The following GRAMD1B variants were observed in gnomAD, a reference collection of about 807,000 sequenced individuals.
GRAMD1B encodes GRAM domain containing 1B.
In GRAMD1B, 37 loss-of-function variants were observed where a neutral mutation model predicts 99.7. The observed-to-expected ratio is 0.37, with a 90% confidence interval of 0.29 to 0.49. The LOEUF (loss-of-function observed/expected upper bound fraction) is 0.49, where lower values mean the gene tolerates loss of function less well. GRAMD1B is among the 20% of genes least tolerant of loss of function. The pLI, the probability that GRAMD1B is intolerant of heterozygous loss-of-function variation, is 0.98. For missense variants in GRAMD1B, 888 were observed against 1,009.2 expected (o/e 0.88, Z 1.63); for synonymous variants, 427 against 387.6 (o/e 1.10, Z -1.19).
In GRAMD1B at chr11:123,547,326, T is replaced by C. The variant is rs543720648; in HGVS notation, c.453-30041T>C. Among the ~76,000 whole-genome samples, 3 of 152,354 alleles carry C rather than the reference T, an allele frequency of 2.0e-5. No homozygotes were observed. The South Asian group carries it at 6.2e-4, about 32-fold the overall frequency. Reference sequence around the variant, plus strand: ...GTACAAAAATCACATGGCCCTGTGCTCACTCCTCCTCTGGGGCTTTGCTGG... The same window carrying C: ...GTACAAAAATCACATGGCCCTGTGCCCACTCCTCCTCTGGGGCTTTGCTGG... On this transcript the variant is annotated intron_variant, in intron 2 of 19. Coordinates refer to ENST00000635736, the MANE Select transcript of GRAMD1B (RefSeq NM_001387025.1).
chr11:123,548,323 T>C (rs373874067), intron 2 of GRAMD1B, among the ~76,000 whole-genome samples: 32,301 of 99,258 alleles, frequency 0.33, 6,278 homozygotes, highest in African/African-American at 0.59. Flanking sequence ...TATATATATA[T>C]ATACACACAC....
intron 1 of GRAMD1B, among the ~76,000 whole-genome samples, chr11:123,412,492 G>A (rs1055600027): frequency 6.6e-6 from 1 of 152,160 alleles, no homozygotes; most frequent in African/African-American, 2.4e-5. Context: ...ACAAGCCAGT[G>A]AATACAGAGT....
chr11:123,473,488 T>C (rs999218630), intron 1 of GRAMD1B, among the ~76,000 whole-genome samples: 1 of 152,070 alleles, frequency 6.6e-6, no homozygotes, highest in African/African-American at 2.4e-5. Context: ...CCCAGGCTGG[T>C]CTCAAAACTC....
chr11:123,390,935 T>A (rs1256265933), intron 1 of GRAMD1B, among the ~76,000 whole-genome samples: 1 of 152,216 alleles, frequency 6.6e-6, no homozygotes, highest in Non-Finnish European at 1.5e-5. Flanking sequence ...GCCCTTTGAC[T>A]GAATGCAGCT....
intron 2 of GRAMD1B, among the ~76,000 whole-genome samples, chr11:123,575,991 C>CT (rs1024620453): frequency 5.3e-5 from 8 of 151,518 alleles, no homozygotes; most frequent in South Asian, 2.1e-4. Context: ...CTCTGGTCTC[C>CT]TTTTTTTTTC....
intron 1 of GRAMD1B, among the ~76,000 whole-genome samples, chr11:123,411,166 G>A (rs1404186144): frequency 2.0e-5 from 3 of 151,768 alleles, no homozygotes; most frequent in African/African-American, 4.8e-5. Context: ...CACCACACCC[G>A]GCTAATTTTT....
chr11:123,379,784 T>G (rs1946811708), intron 1 of GRAMD1B, among the ~76,000 whole-genome samples: 1 of 152,254 alleles, frequency 6.6e-6, no homozygotes, highest in South Asian at 2.1e-4. Flanking sequence ...TGCACTATTT[T>G]ACATTCAGTG....
At chr11:123,557,977 CTTTTTTTT>C (rs532091098) in intron 2 of GRAMD1B, among the ~76,000 whole-genome samples, 6 of 99,922 alleles carry the variant, frequency 6.0e-5, no homozygotes, top group Non-Finnish European at 7.9e-5. Context: ...TTCAGTGCAA[CTTTTTTTT>C]TTTTTTTTTT....
At chr11:123,616,464 AAGTT>A (rs1233916219) in intron 17 of GRAMD1B, among the ~76,000 whole-genome samples, 5 of 152,360 alleles carry the variant, frequency 3.3e-5, no homozygotes, top group Admixed American at 2.0e-4. Flanking sequence ...CTGTAACCTC[AAGTT>A]AGTTCTGTGT....
In GRAMD1B at chr11:123,444,163, G is replaced by C. The variant is rs115924506; in HGVS notation, c.374+12997G>C. 8.4e-3 allele frequency among the ~76,000 whole-genome samples: 1,277 copies of C among 152,280 alleles called. 24 individuals carry two copies. Among genetic ancestry groups the C allele is most frequent in the African/African-American group, 0.03 (1,231 of 41,564 alleles). The stretch of plus-strand genomic sequence containing the variant: ...GTTATGTTAATAGAGATTCTTTACA[G>C]ATGCAAATTTTCCCCACAAAAGATG... On this transcript the variant is annotated intron_variant, in intron 1 of 19. Transcript: ENST00000635736.
intron 1 of GRAMD1B, among the ~76,000 whole-genome samples, chr11:123,378,224 A>G (rs1015894778): frequency 3.3e-5 from 5 of 152,204 alleles, no homozygotes; most frequent in South Asian, 2.1e-4. Flanking sequence ...GAAGACCTGC[A>G]TTGGCACCCA....
At chr11:123,496,591 C>T (rs1369243503) in intron 2 of GRAMD1B, among the ~76,000 whole-genome samples, 1 of 150,806 alleles carries the variant, frequency 6.6e-6, no homozygotes, top group Non-Finnish European at 1.5e-5. Flanking sequence ...TTAGATTTAC[C>T]CTTTTGAGGC....
chr11:123,531,576 G>C (rs573590203), intron 2 of GRAMD1B, among the ~76,000 whole-genome samples: 1 of 152,232 alleles, frequency 6.6e-6, no homozygotes, highest in Non-Finnish European at 1.5e-5. Flanking sequence ...TTGTCATCAA[G>C]TTTATTATTG....
intron 9 of GRAMD1B, among the ~76,000 whole-genome samples, chr11:123,604,330 C>A (rs559448079): frequency 4.6e-5 from 7 of 152,164 alleles, no homozygotes; most frequent in Non-Finnish European, 1.0e-4. Flanking sequence ...GGGAAAGAAG[C>A]AGCTGAAGAG....
intron 1 of GRAMD1B, among the ~76,000 whole-genome samples, chr11:123,368,621 A>G (rs1308880945): frequency 1.5e-5 from 2 of 133,282 alleles, no homozygotes; most frequent in African/African-American, 2.8e-5. Context: ...CGGAACTTGC[A>G]GTGAGCTGAG....
At chr11:123,621,661 G>A (rs1482073182) in intron 19 of GRAMD1B, among the ~76,000 whole-genome samples, 1 of 152,192 alleles carries the variant, frequency 6.6e-6, no homozygotes, top group Non-Finnish European at 1.5e-5. Context: ...CCTGGGCGGG[G>A]AGAACAATGT....
chr11:123,559,586 T>A (rs1946487107), intron 2 of GRAMD1B: 6 of 716,966 alleles, frequency 8.4e-6, no homozygotes, highest in Non-Finnish European at 1.0e-5. Flanking sequence ...GGGGGCTGTC[T>A]GAGTACTAAT....
rs903013938 is a variant in GRAMD1B, at chr11:123,591,747, A to G, written c.685-2335A>G. On this transcript the variant is annotated intron_variant, in intron 4 of 19. Transcript: ENST00000635736. This position sits in a 1 kb window ranked among gnomAD's most constrained non-coding sequence, Gnocchi z 4.7. ...GGGGTCCCTGGCTTCGAGAGGCTGC[A>G]TGGTGGCAGGCCCAGCATGCCCAAC... Among the ~76,000 whole-genome samples, 1 of 152,304 alleles carries G rather than the reference A, an allele frequency of 6.6e-6. No individual in the cohort carries two copies.
At position 123,614,853 on chromosome 11, in the gene GRAMD1B, T is replaced by C. The variant is rs1275061; in HGVS notation, c.2318+18T>C. On this transcript the variant is annotated intron_variant, in intron 17 of 19. Coordinates refer to ENST00000635736, the MANE Select transcript of GRAMD1B (RefSeq NM_001387025.1). ...AGCTGTGTGTAAGGGATTCTAGGTTTTCCTATCCTGCCCTCACCACCTTCC... is the reference window on the plus strand; with the variant it reads ...AGCTGTGTGTAAGGGATTCTAGGTTCTCCTATCCTGCCCTCACCACCTTCC... 663,212 of 1,509,364 alleles carry C rather than the reference T, an allele frequency of 0.44. 149,044 individuals are homozygous for C. Among genetic ancestry groups the C allele is most frequent in the South Asian group, 0.56 (48,873 of 87,554 alleles). The allele number at this position is 1,509,364 out of a possible 1,614,324, so 93.5% of individuals were successfully genotyped here. A position where few individuals can be genotyped will look rare whatever the true frequency, so the allele number is the denominator to read the frequency against.
Sources: allele counts gnomAD v4.1 joint callset (sites outside exome capture counted in the v4.1 genomes callset), GRCh38; gene constraint gnomAD v4.1.1; non-coding constraint Gnocchi (gnomAD v3.1); transcripts MANE v1.5; gene names NCBI Gene and HGNC (gene_info 2026-07-23, HGNC 2026-07-21).